PUF60: variants seen among roughly 807,000 people sequenced by gnomAD.
PUF60 encodes the protein poly(U) binding splicing factor 60.
A neutral mutation model predicts 61.8 loss-of-function variants in PUF60; 10 were observed. The observed-to-expected ratio is 0.16, with a 90% CI of 0.10 to 0.27. The LOEUF (loss-of-function observed/expected upper bound fraction) is 0.27, where lower values mean the gene tolerates loss of function less well. PUF60 is among the 10% of genes least tolerant of loss of function. The probability of loss-of-function intolerance (pLI) is 1.00; values close to 1 mark genes in which losing one functional copy is unlikely to be tolerated. For synonymous variants in PUF60, 353 were observed against 300.9 expected, an observed-to-expected ratio of 1.17 and a Z score of -1.79; for missense variants, 371 against 754.0, an observed-to-expected ratio of 0.49 and a Z score of 5.95.
In PUF60 at chr8:143,816,353, G is replaced by A. The variant is rs1459326626; in HGVS notation, c.*167C>T. ...GGACACACGCCCAGGATCGGTGACA[G>A]GACCGACGGCAGACACACGGACGTT... is the stretch of plus-strand genomic sequence containing the variant. On this transcript the variant is annotated 3_prime_UTR_variant, in exon 12 of 12. Coordinates refer to ENST00000526683, the MANE Select transcript of PUF60 (RefSeq NM_078480.3). The A allele has an allele frequency of 1.1e-5, 8 of 751,702 alleles. No homozygotes were observed. The Admixed American group carries it at 2.1e-4, about 19-fold the overall frequency. The allele number at this position is 751,702 out of a possible 1,614,324, so 46.6% of individuals were successfully genotyped here.
At chr8:143,825,643 T>C (rs551097455) in intron 1 of PUF60, among the ~76,000 whole-genome samples, 183 of 152,152 alleles carry the variant, frequency 1.2e-3, no homozygotes, top group Middle Eastern at 3.4e-3. Flanking sequence ...CCGCCACACC[T>C]GGCTAATTTT....
Position 143,817,064 on chromosome 8 carries a change from G to T in PUF60, c.1226C>A (p.Thr409Lys), listed in dbSNP as rs371217811. 1.9e-6 allele frequency: 3 copies of T among 1,611,518 alleles called. No homozygotes were observed. The Middle Eastern group carries it at 4.9e-4, about 265-fold the overall frequency. ...VVNPILASPP[T>K]LGLLEPKKEK... is the part of the protein sequence containing the mutation. ...CTTCTTGGGCTCCAGGAGACCCAGC[G>T]TTGGAGGGCTGGCCAGGATGGGGTT... The change falls in exon 11 of 12, where the codon ACG becomes AAG. Residue 409 changes from threonine (T) to lysine (K), a missense_variant. Thr to Lys is a moderately conservative substitution (Grantham distance 78). Around this residue, in one of 13 missense-constraint regions of PUF60, gnomAD observed 68 missense variants for 69.4 expected, o/e 0.98. Transcript: ENST00000526683. The surrounding 1 kb of genome is among the most constrained non-coding windows in gnomAD (Gnocchi z 7.4).
chr8:143,820,603 A>G, intron 5 of PUF60, 63 bp downstream of exon 5: 1 of 1,536,752 alleles, frequency 6.5e-7, no homozygotes, highest in Non-Finnish European at 9.0e-7. Context: ...CGTGGGCTGC[A>G]CTGCCCCCCT....
intron 2 of PUF60, among the ~76,000 whole-genome samples, chr8:143,823,823 A>C (rs1363238060): frequency 6.6e-6 from 1 of 152,244 alleles, no homozygotes; most frequent in Non-Finnish European, 1.5e-5. Context: ...CCTGGGGCCG[A>C]AAAAAGATGG....
chr8:143,821,639 C>T lies in PUF60; in HGVS notation c.255G>A (p.Lys85=). ...MEQSIKSVLV[K]QTIAHQQQQL... is the part of the protein sequence containing the mutation. ...GCTGCTGCTGGTGCGCGATGGTCTG[C>T]TTCACCAGCACACTCTTGATGCTCT... Residue 85 remains lysine, a synonymous_variant, in exon 4 of 12, where the codon AAG becomes AAA. Transcript: ENST00000526683. 2 of 1,547,016 alleles carry T rather than the reference C, an allele frequency of 1.3e-6. No homozygotes were observed. Among genetic ancestry groups the T allele is most frequent in the Non-Finnish European group, 8.7e-7 (1 of 1,147,166 alleles).
At chr8:143,822,336 C>G in intron 2 of PUF60, 1 of 366,206 alleles carries the variant, frequency 2.7e-6, no homozygotes, top group East Asian at 7.3e-5. Flanking sequence ...GGACTCCTTG[C>G]TCCCAGGCTC....
In PUF60 at chr8:143,821,698, G is replaced by A. The variant is rs983254508; in HGVS notation, c.208-12C>T. ...GCGTACTTCTTGGCCTGAGAGAGGC[G>A]GCAGTGAGGAGCACTGGGGGCCCAG... On this transcript the variant is annotated splice_polypyrimidine_tract_variant and intron_variant, in intron 3 of 11. Coordinates refer to ENST00000526683, the MANE Select transcript of PUF60 (RefSeq NM_078480.3). The A allele has an allele frequency of 2.1e-5, 33 of 1,548,366 alleles. No individual in the cohort carries two copies. The highest frequency in any genetic ancestry group is 1.2e-4 in the East Asian group (5 of 41,084).
intron 5 of PUF60, among the ~76,000 whole-genome samples, chr8:143,819,480 C>G (rs1159934093): frequency 6.6e-6 from 1 of 152,188 alleles, no homozygotes; most frequent in Non-Finnish European, 1.5e-5. Flanking sequence ...GGCCCTGCCC[C>G]TCTCCACAAA....
intron 1 of PUF60, 200 bp downstream of exon 1, chr8:143,829,059 CGCCGGAAGCTGGGGTCCGCAG>C: frequency 9.7e-7 from 1 of 1,030,306 alleles, no homozygotes; most frequent in Non-Finnish European, 1.2e-6. Context: ...CGCCCCGCCC[CGCCGGAAGCTGGGGTCCGCAG>C]GCCGGAAGCT....
chr8:143,828,975 T>C (rs1817980376), intron 1 of PUF60: 2 of 990,598 alleles, frequency 2.0e-6, no homozygotes, highest in East Asian at 1.1e-4. Flanking sequence ...CGACCCCCGC[T>C]TGCCGGACCT....
Position 143,821,697 on chromosome 8 carries a change from C to G in PUF60, c.208-11G>C. ...GGCGTACTTCTTGGCCTGAGAGAGG[C>G]GGCAGTGAGGAGCACTGGGGGCCCA... On this transcript the variant is annotated splice_polypyrimidine_tract_variant and intron_variant, in intron 3 of 11. Coordinates refer to ENST00000526683, the MANE Select transcript of PUF60 (RefSeq NM_078480.3). The G allele has an allele frequency of 6.5e-7, 1 of 1,548,552 alleles. No homozygotes were observed. Among genetic ancestry groups the G allele is most frequent in the African/African-American group, 1.4e-5 (1 of 73,252 alleles).
chr8:143,828,830 G>C (rs1817958313), intron 1 of PUF60, among the ~76,000 whole-genome samples: 1 of 152,166 alleles, frequency 6.6e-6, no homozygotes, highest in South Asian at 2.1e-4. Flanking sequence ...GCCGCCCCAT[G>C]CTCTGAGCTG....
intron 5 of PUF60, chr8:143,820,409 G>T: frequency 1.8e-6 from 1 of 552,698 alleles, no homozygotes; most frequent in Non-Finnish European, 3.2e-6. Flanking sequence ...ACCCGCCCTG[G>T]CCGGCTGCCC....
chr8:143,821,385 C>T (rs12679881), intron 4 of PUF60: 5 of 602,890 alleles, frequency 8.3e-6, no homozygotes, highest in East Asian at 8.3e-5. Flanking sequence ...GGGGCTGCGG[C>T]GCTTTAGGGG....
chr8:143,824,182 G>A (rs1036495181), intron 2 of PUF60, 131 bp downstream of exon 2: 5 of 906,258 alleles, frequency 5.5e-6, no homozygotes, highest in Middle Eastern at 3.4e-4. Flanking sequence ...CCCAGAGGCA[G>A]AGAAGGGTTC....
chr8:143,827,610 C>T (rs888909823), intron 1 of PUF60: 20 of 358,744 alleles, frequency 5.6e-5, no homozygotes, highest in African/African-American at 3.2e-4. Context: ...GATAACCCTT[C>T]TAGAAGCCTT....
At chr8:143,828,567 C>T (rs1817913200) in intron 1 of PUF60, among the ~76,000 whole-genome samples, 2 of 152,182 alleles carry the variant, frequency 1.3e-5, no homozygotes, top group Non-Finnish European at 2.9e-5. Flanking sequence ...CCACGCAGCT[C>T]CCTAGGGCGC....
intron 1 of PUF60, among the ~76,000 whole-genome samples, chr8:143,828,649 C>T (rs1374712992): frequency 6.6e-6 from 1 of 152,188 alleles, no homozygotes. Context: ...GTCTGGTTCC[C>T]CACTGCGTCC....
At position 143,817,559 on chromosome 8, in the gene PUF60, C is replaced by T; in HGVS notation, c.1008+33G>A. 1 of 1,609,050 alleles carries T rather than the reference C, an allele frequency of 6.2e-7. No homozygotes were observed. The highest frequency in any genetic ancestry group is 2.2e-5 in the East Asian group (1 of 44,872). On this transcript the variant is annotated intron_variant, in intron 9 of 11. Transcript: ENST00000526683. The surrounding 1 kb of genome is among the most constrained non-coding windows in gnomAD (Gnocchi z 7.4). Reference sequence around the variant, plus strand: ...CCAAGGAATCAGGGGCCAGCCCGCCCACCCTCAAGCCGACAGCTGTGTGGG... The same window carrying T: ...CCAAGGAATCAGGGGCCAGCCCGCCTACCCTCAAGCCGACAGCTGTGTGGG...
Sources: gnomAD v4.1 joint callset for allele counts (sites outside exome capture counted in the v4.1 genomes callset) on GRCh38, gnomAD v4.1.1 for gene constraint, gnomAD v4.1.1 regional missense constraint, Gnocchi (gnomAD v3.1) non-coding constraint, MANE v1.5 for transcripts, NCBI Gene and HGNC (gene_info 2026-07-23, HGNC 2026-07-21) for gene names.